Variants in ZBTB25 observed in about 807,000 individuals in gnomAD.
ZBTB25 encodes the protein zinc finger and BTB domain-containing protein 25.
In ZBTB25, 20 loss-of-function variants were observed where a neutral mutation model predicts 34.2. The ratio of observed to expected loss-of-function variants is 0.58; its 90% CI spans 0.41 to 0.85. The LOEUF is 0.85. Among genes scored for constraint, ZBTB25 ranks in the 40% least tolerant of loss-of-function variants. The pLI, the probability that ZBTB25 is intolerant of heterozygous loss-of-function variation, is 0.00. For missense variants in ZBTB25, 437 were observed against 521.8 expected (o/e 0.84, Z 1.58); for synonymous variants, 175 against 186.4 (o/e 0.94, Z 0.50).
At position 64,485,762 on chromosome 14, in the gene ZBTB25, G is replaced by A; in HGVS notation, c.*1161C>T. ...AGCCCCAAAAATCCTGACGCTGAGG[G>A]TAGAAACATGATTTATATTTTATCA... is the stretch of plus-strand genomic sequence containing the variant. On this transcript the variant is annotated 3_prime_UTR_variant, in exon 3 of 3. Transcript: ENST00000608382. 1.0e-6 allele frequency: 1 copy of A among 985,268 alleles called. No homozygotes were observed. The highest frequency in any genetic ancestry group is 1.2e-6 in the Non-Finnish European group (1 of 829,902). The allele number at this position is 985,268 out of a possible 1,614,324, so 61.0% of individuals were successfully genotyped here.
intron 2 of ZBTB25, among the ~76,000 whole-genome samples, chr14:64,452,820 G>T (rs1349547483): frequency 2.0e-5 from 3 of 151,982 alleles, no homozygotes; most frequent in African/African-American, 7.3e-5. Context: ...CCCCAGGTCT[G>T]GTTTGACAGG....
intron 1 of ZBTB25, among the ~76,000 whole-genome samples, chr14:64,497,985 C>T (rs1395817081): frequency 1.3e-5 from 2 of 152,096 alleles, no homozygotes; most frequent in Admixed American, 1.3e-4. Context: ...GGAAAGTTGG[C>T]AGAGGAATAT....
chr14:64,469,756 G>GT, intron 2 of ZBTB25: 1 of 1,053,498 alleles, frequency 9.5e-7, no homozygotes, highest in Non-Finnish European at 1.4e-6. Context: ...TTCTTACTCA[G>GT]TAACAAATGA....
chr14:64,489,917 T>A (rs984467870), intron 2 of ZBTB25, among the ~76,000 whole-genome samples: 1 of 151,588 alleles, frequency 6.6e-6, no homozygotes. Context: ...TAAAAAATTA[T>A]TATAATTTGG....
rs144030113 is a variant in ZBTB25 at position 64,457,828 on chromosome 14, T to C, written c.174-8190A>G. On this transcript the variant is annotated intron_variant, in intron 2 of 2. Coordinates refer to the ZBTB25 transcript ENST00000555220. ...ATATGTAACAAGAGTACCCACTTTA[T>C]TGACAACTATAAAATGATGTTCTAT... 2.0e-3 allele frequency among the ~76,000 whole-genome samples: 302 copies of C among 152,310 alleles called. 1 individual carries two copies. Among genetic ancestry groups the C allele is most frequent in the African/African-American group, 6.9e-3 (285 of 41,564 alleles).
chr14:64,504,783 C>G (rs1224927032), upstream of ZBTB25: 11 of 381,342 alleles, frequency 2.9e-5, no homozygotes, highest in Non-Finnish European at 5.1e-5. Flanking sequence ...GCAGCACAGT[C>G]CCTGGCAGAG....
At chr14:64,494,204 A>C (rs1293255888) in intron 1 of ZBTB25, among the ~76,000 whole-genome samples, 3 of 152,218 alleles carry the variant, frequency 2.0e-5, no homozygotes, top group African/African-American at 7.2e-5. Context: ...AATGGTGCAA[A>C]ACACTGAAGA....
chr14:64,485,441 C>T lies in ZBTB25; in HGVS notation c.*1482G>A. ...TAAACATTTCAGAAACAATTTAGAT[C>T]TATCCTTTGTGGTGAAGCTTAACCA... On this transcript the variant is annotated 3_prime_UTR_variant, in exon 3 of 3. Transcript: ENST00000608382. 1.0e-6 allele frequency: 1 copy of T among 985,336 alleles called. No individual in the cohort carries two copies. Among genetic ancestry groups the T allele is most frequent in the Non-Finnish European group, 1.2e-6 (1 of 829,858 alleles). The allele number at this position is 985,336 out of a possible 1,614,324, so 61.0% of individuals were successfully genotyped here.
chr14:64,500,711 C>A (rs1352304837), intron 1 of ZBTB25, among the ~76,000 whole-genome samples: 1 of 151,634 alleles, frequency 6.6e-6, no homozygotes, highest in Non-Finnish European at 1.5e-5. Context: ...AGAAGAATTG[C>A]CAATAAGGGG....
At chr14:64,458,132 C>T (rs924781039) in intron 2 of ZBTB25, 16 of 1,101,994 alleles carry the variant, frequency 1.5e-5, no homozygotes, top group Non-Finnish European at 2.1e-5. Flanking sequence ...CTCAAGTGAT[C>T]CTCTCCACCT....
intron 1 of ZBTB25, chr14:64,503,309 G>A (rs980579012): frequency 1.6e-5 from 16 of 985,290 alleles, no homozygotes; most frequent in Non-Finnish European, 1.8e-5. Context: ...GGCGCTACCC[G>A]AGGGAGGCCG....
At position 64,492,601 on chromosome 14, in the gene ZBTB25, C is replaced by CAAA. The variant is rs11419156; in HGVS notation, c.-7-2064_-7-2062dup. On this transcript the variant is annotated intron_variant, in intron 1 of 2. Transcript: ENST00000608382. ...CTTAAACTAGCCTGATAAGTTGTCT[C>CAAA]AAAAAAAAAAAACAAAACCAAACCC... Among the ~76,000 whole-genome samples, 3 of 141,252 alleles carry CAAA rather than the reference C, an allele frequency of 2.1e-5. No homozygotes were observed. The East Asian group carries it at 6.1e-4, about 29-fold the overall frequency. 92.7% of individuals were successfully genotyped at this position (141,252 alleles called of 152,430 possible).
intron 1 of ZBTB25, among the ~76,000 whole-genome samples, chr14:64,495,633 G>A (rs1235428347): frequency 6.6e-6 from 1 of 152,198 alleles, no homozygotes; most frequent in African/African-American, 2.4e-5. Context: ...TCTAGTTTTT[G>A]TAATTCTCAA....
At chr14:64,472,195 G>GGACAGCT (rs1430272574) in intron 2 of ZBTB25, 8 of 166,952 alleles carry the variant, frequency 4.8e-5, no homozygotes, top group African/African-American at 1.9e-4. Flanking sequence ...TAATGGACTT[G>GGACAGCT]GACAGCTACC....
At chr14:64,504,865 C>G (rs1006924254), upstream of ZBTB25, 1 of 397,040 alleles carries the variant, frequency 2.5e-6, no homozygotes, top group African/African-American at 2.1e-5. Flanking sequence ...CTCGCGGCCC[C>G]TTCGCCTTCG....
At chr14:64,462,179 A>T (rs2078563031) in intron 2 of ZBTB25, 1 of 152,112 alleles carries the variant, frequency 6.6e-6, no homozygotes, top group Non-Finnish European at 1.5e-5. Context: ...TGTCTTGTCC[A>T]GGCTGCTGAG....
At chr14:64,451,635 C>T (rs2078374023) in intron 2 of ZBTB25, among the ~76,000 whole-genome samples, 2 of 152,246 alleles carry the variant, frequency 1.3e-5, no homozygotes, top group South Asian at 4.1e-4. Flanking sequence ...GCTGGAAGCC[C>T]AGTCCTTGAA....
chr14:64,462,471 A>T (rs1054192922), intron 2 of ZBTB25: 2 of 152,216 alleles, frequency 1.3e-5, no homozygotes. Flanking sequence ...AACTATTAGC[A>T]TGTGCTGGCA....
intron 1 of ZBTB25, among the ~76,000 whole-genome samples, chr14:64,500,607 G>C (rs1340292818): frequency 6.6e-6 from 1 of 152,120 alleles, no homozygotes; most frequent in Non-Finnish European, 1.5e-5. Context: ...GACCAGCCTG[G>C]CCAATATGGT....
Sources: allele counts gnomAD v4.1 joint callset (sites outside exome capture counted in the v4.1 genomes callset), GRCh38; gene constraint gnomAD v4.1.1; transcripts MANE v1.5; gene names NCBI Gene and HGNC (gene_info 2026-07-23, HGNC 2026-07-21).